Variants in TAB2 observed in about 807,000 individuals in gnomAD.
The protein encoded by TAB2 is TGF-beta activated kinase 1 (MAP3K7) binding protein 2.
In TAB2, 3 loss-of-function variants were observed where a neutral mutation model predicts 65.0. That is an observed-to-expected ratio of 0.05 (90% confidence interval 0.02 to 0.12). TAB2 has a LOEUF of 0.12. Ranked by LOEUF, TAB2 falls within the 10% of genes least tolerant of loss-of-function variation. The pLI is 1.00. For missense variants in TAB2, 623 were observed against 840.3 expected (o/e 0.74, Z 3.20); for synonymous variants, 298 against 285.1 (o/e 1.05, Z -0.46).
intron 3 of TAB2, among the ~76,000 whole-genome samples, chr6:149,392,367 C>T (rs1562450064): frequency 6.6e-6 from 1 of 152,154 alleles, no homozygotes; most frequent in South Asian, 2.1e-4. Context: ...GTCTTGAACT[C>T]CTGACCTCAA....
At chr6:149,340,388 C>A (rs1054821942) in intron 1 of TAB2, among the ~76,000 whole-genome samples, 5 of 152,004 alleles carry the variant, frequency 3.3e-5, no homozygotes, top group African/African-American at 1.2e-4. Flanking sequence ...AAGAAGGAAC[C>A]TTGGACATGA....
intron 1 of TAB2, among the ~76,000 whole-genome samples, chr6:149,363,633 A>G (rs552635683): frequency 6.6e-6 from 1 of 152,284 alleles, no homozygotes; most frequent in East Asian, 1.9e-4. Context: ...CATTGTGAAA[A>G]AATTAATAAT....
At chr6:149,377,252 TA>T (rs2114879466) in intron 2 of TAB2, among the ~76,000 whole-genome samples, 1 of 151,568 alleles carries the variant, frequency 6.6e-6, no homozygotes, top group East Asian at 1.9e-4. Context: ...TTTTTATTTT[TA>T]GTAGAGACGG....
At chr6:149,389,861 T>C (rs1781926340) in intron 3 of TAB2, among the ~76,000 whole-genome samples, 1 of 152,174 alleles carries the variant, frequency 6.6e-6, no homozygotes, top group African/African-American at 2.4e-5. Context: ...CAAATTATTA[T>C]CTAGCAAGAG....
chr6:149,275,208 C>A (rs1194862018), intron 1 of TAB2, among the ~76,000 whole-genome samples: 4 of 120,938 alleles, frequency 3.3e-5, no homozygotes, highest in African/African-American at 1.1e-4. Context: ...CTTGAACTCC[C>A]TTGGGCGGGG....
chr6:149,309,296 T>C (rs1382038087), intron 1 of TAB2, among the ~76,000 whole-genome samples: 1 of 152,246 alleles, frequency 6.6e-6, no homozygotes, highest in African/African-American at 2.4e-5. Flanking sequence ...TACATATACT[T>C]TTGCAAACCC....
chr6:149,381,569 C>CTTTTTTTTTTTT (rs557951574), intron 3 of TAB2, among the ~76,000 whole-genome samples: 1 of 95,582 alleles, frequency 1.0e-5, no homozygotes, highest in African/African-American at 4.1e-5. Flanking sequence ...CCCTCCTATT[C>CTTTTTTTTTTTT]TTTTTTTTTT....
intron 3 of TAB2, among the ~76,000 whole-genome samples, chr6:149,391,040 T>A (rs1157378321): frequency 1.3e-5 from 2 of 152,194 alleles, no homozygotes; most frequent in Non-Finnish European, 2.9e-5. Flanking sequence ...GCCTTCAATT[T>A]GCTAGAACAT....
At chr6:149,400,730 T>TA in intron 6 of TAB2, 1 of 1,573,706 alleles carries the variant, frequency 6.4e-7, no homozygotes, top group Non-Finnish European at 8.6e-7. Context: ...AAGACCAAGA[T>TA]TACTGCATTC....
intron 1 of TAB2, among the ~76,000 whole-genome samples, chr6:149,329,189 C>A (rs771921563): frequency 2.0e-5 from 3 of 152,148 alleles, no homozygotes; most frequent in Non-Finnish European, 2.9e-5. Flanking sequence ...TAGAAAGATT[C>A]TCTTGTTGTA....
rs529189252 is a variant in TAB2 at position 149,336,886 on chromosome 6, C to T, written c.-90+18871C>T. On this transcript the variant is annotated intron_variant, in intron 1 of 6. Transcript: ENST00000637181. The stretch of plus-strand genomic sequence containing the variant: ...TTAATCTGCAAGACCCTGAAGGGAT[C>T]CAGGGATACAATTTAGAGGGCTGCA... Among the ~76,000 whole-genome samples the T allele has an allele frequency of 1.2e-3, 180 of 150,516 alleles. 1 individual carries two copies. The highest frequency in any genetic ancestry group is 6.8e-3 in the Middle Eastern group (2 of 294).
At chr6:149,255,507 A>G (rs1372813740) in intron 1 of TAB2, 1 of 152,236 alleles carries the variant, frequency 6.6e-6, no homozygotes, top group Non-Finnish European at 1.5e-5. Context: ...TTATCTCTGA[A>G]TTTTGGCAGA....
intron 3 of TAB2, among the ~76,000 whole-genome samples, chr6:149,381,010 A>C (rs1382382962): frequency 2.0e-5 from 3 of 152,136 alleles, no homozygotes; most frequent in Admixed American, 2.0e-4. Flanking sequence ...CAGAAGCTAA[A>C]GTGGGAGGAC....
At chr6:149,352,825 G>A (rs975886696) in intron 1 of TAB2, among the ~76,000 whole-genome samples, 2 of 152,170 alleles carry the variant, frequency 1.3e-5, no homozygotes, top group Non-Finnish European at 2.9e-5. Flanking sequence ...GTAGGTCCAG[G>A]ATGAAGCCCA....
chr6:149,369,824 A>G, intron 1 of TAB2, 85 bp from the exon 2 acceptor site: 1 of 632,326 alleles, frequency 1.6e-6, no homozygotes, highest in East Asian at 2.7e-5. Flanking sequence ...TAAAGCACAT[A>G]TTCTTTTGTA....
intron 1 of TAB2, among the ~76,000 whole-genome samples, chr6:149,341,351 A>G (rs1421229222): frequency 6.6e-6 from 1 of 152,176 alleles, no homozygotes; most frequent in African/African-American, 2.4e-5. Flanking sequence ...GAATTATTTA[A>G]ACCGAAAGCC....
intron 1 of TAB2, chr6:149,304,057 A>C (rs1473944250): frequency 6.6e-6 from 1 of 152,284 alleles, no homozygotes; most frequent in African/African-American, 2.4e-5. Context: ...CAACCTCTGC[A>C]GTTTGGATCA....
At chr6:149,237,438 C>G (rs758781719) in intron 1 of TAB2, among the ~76,000 whole-genome samples, 1 of 152,178 alleles carries the variant, frequency 6.6e-6, no homozygotes, top group African/African-American at 2.4e-5. Flanking sequence ...GGCCTCCTCA[C>G]CCTGAGAGGC....
Position 149,409,724 on chromosome 6 carries a change from A to G in TAB2, c.*5A>G. The G allele has an allele frequency of 2.5e-6, 4 of 1,614,048 alleles. No individual in the cohort carries two copies. Among genetic ancestry groups the G allele is most frequent in the African/African-American group, 1.3e-5 (1 of 75,044 alleles). On this transcript the variant is annotated 3_prime_UTR_variant, in exon 7 of 7. Coordinates refer to ENST00000637181, the MANE Select transcript of TAB2 (RefSeq NM_001292034.3). ...GAGATGCCAAGGCATTTCTGAGCCA[A>G]ATGGCCCTGTATCTTCTCTAAAACC...
Sources: gnomAD v4.1 joint callset for allele counts (sites outside exome capture counted in the v4.1 genomes callset) on GRCh38, gnomAD v4.1.1 for gene constraint, MANE v1.5 for transcripts, NCBI Gene and HGNC (gene_info 2026-07-23, HGNC 2026-07-21) for gene names.